The following RYR3 variants were observed in gnomAD, a reference collection of about 807,000 sequenced individuals.
The protein encoded by RYR3 is ryanodine receptor 3.
In RYR3, 207 loss-of-function variants were observed where a neutral mutation model predicts 584.3. That is an observed-to-expected ratio of 0.35 (90% CI 0.32 to 0.40). The LOEUF (loss-of-function observed/expected upper bound fraction) is 0.40. Ranked by LOEUF, RYR3 falls within the 10% of genes least tolerant of loss-of-function variation. RYR3 has a pLI of 1.00. For synonymous variants in RYR3, 2,416 were observed against 2,248.5 expected (o/e 1.07, Z -2.11); for missense variants, 5,616 against 6,089.2 (o/e 0.92, Z 2.59).
At chr15:33,840,697 C>A in intron 89 of RYR3, 128 bp from the exon 90 acceptor site, 2 of 775,710 alleles carry the variant, frequency 2.6e-6, no homozygotes, top group Non-Finnish European at 4.4e-6. Flanking sequence ...GTTCAGTGAT[C>A]CTGAGAGAAG....
chr15:33,539,089 A>G (rs1435105), intron 5 of RYR3: 214,936 of 258,886 alleles, frequency 0.83, 90,096 homozygotes, highest in Middle Eastern at 0.92. Context: ...AAAATACTCA[A>G]AGGCCGCTAT....
At position 33,728,946 on chromosome 15, in the gene RYR3, A is replaced by G; in HGVS notation, c.7123A>G (p.Ile2375Val). 2 of 1,613,958 alleles carry G rather than the reference A, an allele frequency of 1.2e-6. No individual in the cohort carries two copies. Among genetic ancestry groups the G allele is most frequent in the Non-Finnish European group, 1.7e-6 (2 of 1,179,856 alleles). The change falls in exon 47 of 104, where the codon ATT becomes GTT. Residue 2375 changes from isoleucine to valine, a missense_variant. Physicochemically the swap from Ile to Val is conservative, Grantham distance 29 (BLOSUM62 3). Around this residue, in one of 9 missense-constraint regions of RYR3, gnomAD observed 1,280 missense variants for 1,426.2 expected, o/e 0.90. Transcript: ENST00000634891. ...GCTGTTCTTGGACCGCGTTTATGGC[A>G]TTAAGGATCAAACTTTTCTGCTCCA... is the stretch of plus-strand genomic sequence containing the variant. ...MVLFLDRVYG[I>V]KDQTFLLHLL...
At chr15:33,533,968 T>C (rs1035694122) in intron 5 of RYR3, among the ~76,000 whole-genome samples, 22 of 152,354 alleles carry the variant, frequency 1.4e-4, no homozygotes, top group African/African-American at 5.3e-4. Flanking sequence ...ATAAACTGTT[T>C]TTGCTTGCCA....
At chr15:33,813,673 A>G in intron 74 of RYR3, 94 bp downstream of exon 74, 1 of 1,052,484 alleles carries the variant, frequency 9.5e-7, no homozygotes, top group South Asian at 1.4e-5. Context: ...AATCCAAGGA[A>G]TAGAAATTGG....
chr15:33,855,783 T>C (rs922334673), intron 98 of RYR3: 1 of 152,152 alleles, frequency 6.6e-6, no homozygotes, highest in Non-Finnish European at 1.5e-5. Context: ...AATCAAGAAA[T>C]TGACTCTGAC....
rs183956211 is a variant in RYR3, at chr15:33,425,832, C to T, written c.52-47587C>T. On this transcript the variant is annotated intron_variant, in intron 1 of 103. Transcript: ENST00000634891. ...AATTTTTTTGTATTTTTAGTAGAGA[C>T]GGGGTTTCACCGTGTTAGCCAGGAT... Among the ~76,000 whole-genome samples, 33 of 150,960 alleles carry T rather than the reference C, an allele frequency of 2.2e-4. No individual in the cohort carries two copies. The South Asian group carries it at 3.1e-3, about 14-fold the overall frequency.
At chr15:33,543,174 AC>A (rs953522282) in intron 7 of RYR3, among the ~76,000 whole-genome samples, 11 of 151,914 alleles carry the variant, frequency 7.2e-5, no homozygotes, top group African/African-American at 2.7e-4. Flanking sequence ...ATGGTCTGCT[AC>A]CCCCTTCTCA....
chr15:33,797,904 A>T (rs1010134388), intron 67 of RYR3, among the ~76,000 whole-genome samples: 4 of 152,224 alleles, frequency 2.6e-5, no homozygotes, highest in Admixed American at 6.5e-5. Context: ...GAAATCAGAA[A>T]GCATTGCCAA....
intron 12 of RYR3, among the ~76,000 whole-genome samples, chr15:33,575,647 C>A (rs2058261453): frequency 6.6e-6 from 1 of 151,898 alleles, no homozygotes; most frequent in African/African-American, 2.4e-5. Flanking sequence ...CACTAAATGC[C>A]CACCTCAAAA....
At chr15:33,490,787 T>G (rs767277211) in intron 2 of RYR3, among the ~76,000 whole-genome samples, 25 of 151,252 alleles carry the variant, frequency 1.7e-4, no homozygotes, top group Non-Finnish European at 3.1e-4. Context: ...AACTTTTTGA[T>G]GTTTATGAGA....
chr15:33,757,840 G>A (rs897332311), intron 60 of RYR3: 18 of 515,980 alleles, frequency 3.5e-5, no homozygotes, highest in South Asian at 1.2e-4. Flanking sequence ...AATCAACATC[G>A]GGACAGAGAT....
intron 1 of RYR3, among the ~76,000 whole-genome samples, chr15:33,405,636 G>C (rs2042970455): frequency 6.6e-6 from 1 of 152,192 alleles, no homozygotes; most frequent in African/African-American, 2.4e-5. Context: ...AAGCAAGTAA[G>C]GCACGTTGAT....
intron 16 of RYR3, among the ~76,000 whole-genome samples, chr15:33,587,272 C>G (rs1204967683): frequency 2.6e-5 from 4 of 152,214 alleles, no homozygotes; most frequent in African/African-American, 9.6e-5. Flanking sequence ...TCCTTCCTGT[C>G]TGCGAAGTGT....
At chr15:33,409,095 G>GA (rs2043212272) in intron 1 of RYR3, among the ~76,000 whole-genome samples, 1 of 152,168 alleles carries the variant, frequency 6.6e-6, no homozygotes, top group African/African-American at 2.4e-5. Flanking sequence ...CCTTCTGCCA[G>GA]AGAGTGCTGA....
chr15:33,570,947 G>A (rs73386559), intron 12 of RYR3, among the ~76,000 whole-genome samples: 2,288 of 152,276 alleles, frequency 0.015, 58 homozygotes, highest in African/African-American at 0.052. Flanking sequence ...TATTAGTTCA[G>A]TGGGCTTTTT....
chr15:33,346,639 G>A (rs1002313844), intron 1 of RYR3, among the ~76,000 whole-genome samples: 2 of 152,214 alleles, frequency 1.3e-5, no homozygotes, highest in South Asian at 2.1e-4. Flanking sequence ...CCTGTTGTGC[G>A]GGGGGCACCT....
At chr15:33,856,460 G>A (rs1370104678) in intron 98 of RYR3, 1 of 152,288 alleles carries the variant, frequency 6.6e-6, no homozygotes, top group African/African-American at 2.4e-5. Flanking sequence ...CACTCCTAAA[G>A]CCTGGAAGTA....
intron 14 of RYR3, among the ~76,000 whole-genome samples, chr15:33,583,217 C>A (rs1292754781): frequency 6.6e-6 from 1 of 152,144 alleles, no homozygotes; most frequent in African/African-American, 2.4e-5. Context: ...GATCCAGGGA[C>A]CATGACTCAA....
chr15:33,332,473 T>C (rs539454959), intron 1 of RYR3, among the ~76,000 whole-genome samples: 2 of 151,086 alleles, frequency 1.3e-5, no homozygotes, highest in East Asian at 3.9e-4. Context: ...AGACACTGCA[T>C]TCAGCAGTTA....
Sources: gnomAD v4.1 joint callset for allele counts (sites outside exome capture counted in the v4.1 genomes callset) on GRCh38, gnomAD v4.1.1 for gene constraint, gnomAD v4.1.1 regional missense constraint, MANE v1.5 for transcripts, NCBI Gene and HGNC (gene_info 2026-07-23, HGNC 2026-07-21) for gene names.